Variants in USP7 observed in about 807,000 individuals in gnomAD.
USP7 encodes ubiquitin specific peptidase 7, also known as ubiquitin C-terminal hydrolase 7.
USP7 carries 9 observed loss-of-function variants against 162.9 expected under a neutral mutation model. The observed-to-expected ratio is 0.06, with a 90% CI of 0.03 to 0.10. The LOEUF (loss-of-function observed/expected upper bound fraction) is 0.10. Among genes scored for constraint, USP7 ranks in the 10% least tolerant of loss-of-function variants. USP7 has a pLI of 1.00. For missense variants in USP7, 715 were observed against 1,373.7 expected, an observed-to-expected ratio of 0.52 and a Z score of 7.58; for synonymous variants, 562 against 475.9, an observed-to-expected ratio of 1.18 and a Z score of -2.35.
chr16:8,962,513 G>C (rs760625920), intron 1 of USP7: 1 of 451,208 alleles, frequency 2.2e-6, no homozygotes, highest in South Asian at 1.6e-5. Flanking sequence ...AGGCAGCCAT[G>C]TGCGGCAGGG....
intron 25 of USP7, 91 bp downstream of exon 25, chr16:8,898,269 G>T: frequency 9.2e-7 from 1 of 1,086,022 alleles, no homozygotes; most frequent in Non-Finnish European, 1.3e-6. Context: ...GTGTTTTTCT[G>T]TGGTGTCTTA....
intron 4 of USP7, 94 bp downstream of exon 4, chr16:8,921,061 ACT>A: frequency 1.5e-6 from 2 of 1,335,766 alleles, no homozygotes; most frequent in Non-Finnish European, 2.0e-6. Context: ...TAAAAATCTG[ACT>A]CTAAAATCAA....
At position 8,928,395 on chromosome 16, in the gene USP7, T is replaced by C. The variant is rs182158067; in HGVS notation, c.184+1898A>G. Among the ~76,000 whole-genome samples, 16 of 152,298 alleles carry C rather than the reference T, an allele frequency of 1.1e-4. No individual in the cohort carries two copies. In the East Asian group the frequency reaches 2.3e-3, roughly 22 times the overall value. ...TTAGGGAATCATTAACAAAAACTTA[T>C]TTTGGATAAGCAATTTATGCTGCTT... On this transcript the variant is annotated intron_variant, in intron 2 of 30. Transcript: ENST00000344836.
chr16:8,944,795 C>T (rs923641841), intron 1 of USP7, among the ~76,000 whole-genome samples: 47 of 152,308 alleles, frequency 3.1e-4, no homozygotes, highest in Admixed American at 5.2e-4. Flanking sequence ...GAAAAACTAG[C>T]GTCAAAGGTA....
chr16:8,899,962 G>A (rs1024888543), intron 21 of USP7: 6 of 632,102 alleles, frequency 9.5e-6, no homozygotes, highest in African/African-American at 7.4e-5. Context: ...TGAGCCAGGC[G>A]CAATGTAGTG....
intron 15 of USP7, 67 bp downstream of exon 15, chr16:8,904,368 C>T: frequency 2.5e-6 from 4 of 1,589,542 alleles, no homozygotes; most frequent in South Asian, 1.1e-5. Context: ...GGCTGACCTG[C>T]ACTTGTGTAT....
Position 8,919,039 on chromosome 16 carries a change from G to A in USP7, c.712C>T (p.Leu238=). 1.2e-6 allele frequency: 2 copies of A among 1,613,560 alleles called. No individual in the cohort carries two copies. Among genetic ancestry groups the A allele is most frequent in the Admixed American group, 3.3e-5 (2 of 60,026 alleles). The change falls in exon 6 of 31, where the codon CTA becomes TTA. Residue 238 remains leucine (L), a synonymous_variant. Transcript: ENST00000344836. ...LLQTLFFTNQ[L]RKAVYMMPTE... is the part of the protein sequence containing the mutation. ...GAACACTATCCATTTACCTTTCGTA[G>A]CTGATTCGTGAAAAATAACGTCTGT...
At chr16:8,948,305 C>G (rs1006437740) in intron 1 of USP7, among the ~76,000 whole-genome samples, 2 of 152,204 alleles carry the variant, frequency 1.3e-5, no homozygotes, top group African/African-American at 4.8e-5. Flanking sequence ...ACCTCAGCCT[C>G]CAGAGTAGCT....
chr16:8,924,454 A>G (rs1242203520), intron 2 of USP7, among the ~76,000 whole-genome samples: 2 of 152,266 alleles, frequency 1.3e-5, no homozygotes, highest in African/African-American at 4.8e-5. Context: ...CCAAGGGCCA[A>G]GCTCTACAGG....
rs780588278 is a variant in USP7 at position 8,930,354 on chromosome 16, C to G, written c.123G>C (p.Val41=). ...DDPPRITQNP[V]INGNVALSDG... The stretch of plus-strand genomic sequence containing the variant: ...CACTCAGGGCCACATTCCCATTGAT[C>G]ACAGGGTTCTGAGTAATTCTTGGTG... The change falls in exon 2 of 31, where the codon GTG becomes GTC. Residue 41 remains valine, a synonymous_variant. Coordinates refer to ENST00000344836, the MANE Select transcript of USP7 (RefSeq NM_003470.3). The G allele has an allele frequency of 6.8e-6, 11 of 1,613,530 alleles. No homozygotes were observed. Among genetic ancestry groups the G allele is most frequent in the Admixed American group, 1.7e-5 (1 of 59,934 alleles).
intron 5 of USP7, 143 bp downstream of exon 5, chr16:8,920,216 G>C (rs1416677573): frequency 1.5e-6 from 1 of 673,460 alleles, no homozygotes; most frequent in Non-Finnish European, 2.6e-6. Flanking sequence ...TGTCAAGCAG[G>C]TGTGACTCTG....
At chr16:8,897,166 G>T in intron 25 of USP7, 67 bp from the exon 26 acceptor site, 2 of 1,262,094 alleles carry the variant, frequency 1.6e-6, no homozygotes, top group Non-Finnish European at 2.3e-6. Context: ...CACAAAGGAA[G>T]AGAGGAGAAA....
intron 10 of USP7, among the ~76,000 whole-genome samples, chr16:8,911,882 G>C (rs2061952017): frequency 6.6e-6 from 1 of 152,206 alleles, no homozygotes; most frequent in Non-Finnish European, 1.5e-5. Context: ...AACCTTCAGA[G>C]CTCACGACAG....
chr16:8,963,090 C>T (rs1900086912), intron 1 of USP7, 117 bp downstream of exon 1: 9 of 966,842 alleles, frequency 9.3e-6, no homozygotes, highest in Non-Finnish European at 1.2e-5. Context: ...GGCCGAGGCC[C>T]GGCGGCCGCC....
chr16:8,953,263 C>A (rs1190300972), intron 1 of USP7, among the ~76,000 whole-genome samples: 1 of 152,114 alleles, frequency 6.6e-6, no homozygotes, highest in African/African-American at 2.4e-5. Context: ...CTCCCCTGCA[C>A]ACGTGTTCAG....
At chr16:8,952,954 G>A (rs564071476) in intron 1 of USP7, among the ~76,000 whole-genome samples, 2 of 151,900 alleles carry the variant, frequency 1.3e-5, no homozygotes, top group African/African-American at 2.4e-5. Flanking sequence ...CTCCTGCCTC[G>A]GCCTCCCAAG....
At chr16:8,904,694 G>T in intron 14 of USP7, 129 bp from the exon 15 acceptor site, 1 of 1,382,628 alleles carries the variant, frequency 7.2e-7, no homozygotes, top group Non-Finnish European at 9.6e-7. Flanking sequence ...TGTAATCCCA[G>T]CACTTTGGGA....
chr16:8,955,284 C>T (rs1899740489), intron 1 of USP7, among the ~76,000 whole-genome samples: 1 of 152,210 alleles, frequency 6.6e-6, no homozygotes, highest in African/African-American at 2.4e-5. Context: ...CAGTGTCTCA[C>T]CCCAGGCTAG....
At chr16:8,952,972 G>A (rs751705510) in intron 1 of USP7, among the ~76,000 whole-genome samples, 8 of 152,104 alleles carry the variant, frequency 5.3e-5, no homozygotes, top group Non-Finnish European at 1.0e-4. Context: ...AAGTAGCTGG[G>A]ATTACAGTCG....
Sources: gnomAD v4.1 joint callset for allele counts (sites outside exome capture counted in the v4.1 genomes callset) on GRCh38, gnomAD v4.1.1 for gene constraint, MANE v1.5 for transcripts, NCBI Gene and HGNC (gene_info 2026-07-23, HGNC 2026-07-21) for gene names.